Variants in SZT2 observed in about 807,000 individuals in gnomAD.
SZT2 encodes SZT2 subunit of KICSTOR complex.
SZT2 carries 216 observed loss-of-function variants against 404.2 expected under a neutral mutation model. The observed-to-expected ratio is 0.53, with a 90% CI of 0.48 to 0.60. The LOEUF (loss-of-function observed/expected upper bound fraction) is 0.60. Among genes scored for constraint, SZT2 ranks in the 20% least tolerant of loss-of-function variants. The pLI is 0.00. For synonymous variants in SZT2, 1,693 were observed against 1,749.9 expected, an observed-to-expected ratio of 0.97 and a Z score of 0.81; for missense variants, 3,857 against 4,459.2, an observed-to-expected ratio of 0.86 and a Z score of 3.85.
At chr1:43,440,927 G>A (rs188783953) in intron 52 of SZT2, among the ~76,000 whole-genome samples, 2 of 152,348 alleles carry the variant, frequency 1.3e-5, no homozygotes, top group Admixed American at 1.3e-4. Flanking sequence ...GAATGTGGCA[G>A]TTCTCACTGA....
At chr1:43,393,398 A>G (rs1648638283) in intron 1 of SZT2, among the ~76,000 whole-genome samples, 1 of 152,238 alleles carries the variant, frequency 6.6e-6, no homozygotes, top group African/African-American at 2.4e-5. Flanking sequence ...TAACTGAGGC[A>G]TAGAGAGTGT....
At chr1:43,410,848 G>A (rs1032268252) in intron 4 of SZT2, among the ~76,000 whole-genome samples, 1 of 151,960 alleles carries the variant, frequency 6.6e-6, no homozygotes, top group African/African-American at 2.4e-5. Context: ...AGTGTATGGC[G>A]AGGAACGGGG....
At chr1:43,446,802 G>C (rs553413686) in intron 65 of SZT2, 153 bp from the exon 66 acceptor site, 203 of 744,372 alleles carry the variant, frequency 2.7e-4, no homozygotes, top group Middle Eastern at 2.7e-3. Context: ...GAATGGGGAG[G>C]CCTTCCCACA....
In SZT2 at chr1:43,390,811, C is replaced by T. The variant is rs141496446; in HGVS notation, c.27+816C>T. On this transcript the variant is annotated intron_variant, in intron 1 of 71. Coordinates refer to ENST00000634258, the MANE Select transcript of SZT2 (RefSeq NM_001365999.1). ...CTTAAAATCTCAGATTCGGATAAAA[C>T]ACCACCACCAGGAAAGGTGCCAACA... 2.0e-5 allele frequency among the ~76,000 whole-genome samples: 3 copies of T among 152,312 alleles called. No individual in the cohort carries two copies. The East Asian group carries it at 5.8e-4, about 29-fold the overall frequency.
At position 43,424,122 on chromosome 1, in the gene SZT2, C is replaced by T. The variant is rs1216647996; in HGVS notation, c.2256-95C>T. 8 of 1,043,804 alleles carry T rather than the reference C, an allele frequency of 7.7e-6. No individual in the cohort carries two copies. The highest frequency in any genetic ancestry group is 6.3e-5 in the African/African-American group (4 of 63,066). The allele number at this position is 1,043,804 out of a possible 1,614,324, so 64.7% of individuals were successfully genotyped here. On this transcript the variant is annotated intron_variant, in intron 15 of 71. Coordinates refer to ENST00000634258, the MANE Select transcript of SZT2 (RefSeq NM_001365999.1). The surrounding 1 kb of genome is among the most constrained non-coding windows in gnomAD (Gnocchi z 4.1). ...TCAGTGGTACAGAGGTGTGGAAGGG[C>T]GTGGCTTAGCCAGCTGTGAGTGGTA...
At position 43,428,407 on chromosome 1, in the gene SZT2, CTCA is replaced by C; in HGVS notation, c.4088_4090del (p.Leu1363_Ser1364delinsArg). The C allele has an allele frequency of 6.2e-7, 1 of 1,614,200 alleles. No individual in the cohort carries two copies. The highest frequency in any genetic ancestry group is 8.5e-7 in the Non-Finnish European group (1 of 1,180,036). On this transcript the variant is annotated inframe_deletion, in exon 28 of 72. Coordinates refer to ENST00000634258, the MANE Select transcript of SZT2 (RefSeq NM_001365999.1). ...TCATGCACCCCCAAGTCCTGGTCCT[CTCA>C]GCCCTGGGCCCTTCAGCAGCAGCAT... is the stretch of plus-strand genomic sequence containing the variant.
Position 43,424,199 on chromosome 1 carries a change from A to G in SZT2, c.2256-18A>G. 6.3e-7 allele frequency: 1 copy of G among 1,591,926 alleles called. No homozygotes were observed. Among genetic ancestry groups the G allele is most frequent in the Non-Finnish European group, 8.5e-7 (1 of 1,175,616 alleles). On this transcript the variant is annotated intron_variant, in intron 15 of 71. Coordinates refer to ENST00000634258, the MANE Select transcript of SZT2 (RefSeq NM_001365999.1). The surrounding 1 kb of genome is among the most constrained non-coding windows in gnomAD (Gnocchi z 4.1). The stretch of plus-strand genomic sequence containing the variant: ...CCGGGGATGAGAGAGATAGCTGGGG[A>G]GTTGTCCCATTTCCTAGGTATGAGA...
chr1:43,420,886 T>C lies in SZT2; in HGVS notation c.1399T>C (p.Tyr467His). ...GGTGGAAGTGACGATGGAAGGCGGC[T>C]ACGACATTTTGCATGATGTGTCCTG... is the stretch of plus-strand genomic sequence containing the variant. ...TRVEVTMEGG[Y>H]DILHDVSCAL... The change falls in exon 10 of 72, where the codon TAC becomes CAC. Residue 467 changes from tyrosine to histidine, a missense_variant. Tyr to His is a moderately conservative substitution (Grantham distance 83). This residue lies in a region of SZT2 where 536 missense variants were observed against 637.4 expected (regional missense o/e 0.84). Transcript: ENST00000634258. This position sits in a 1 kb window ranked among gnomAD's most constrained non-coding sequence, Gnocchi z 5.1. The C allele has an allele frequency of 6.3e-7, 1 of 1,598,478 alleles. No individual in the cohort carries two copies. The highest frequency in any genetic ancestry group is 8.5e-7 in the Non-Finnish European group (1 of 1,179,814).
In SZT2 at chr1:43,454,237, T is replaced by C; in HGVS notation, c.*3757T>C. ...TGTATGACCAAATAAAGAAGCACTT[T>C]TATACCGCCAGTTATCACACCACTA... On this transcript the variant is annotated 3_prime_UTR_variant, in exon 72 of 72. Transcript: ENST00000634258. The C allele has an allele frequency of 1.2e-5, 2 of 168,364 alleles. No homozygotes were observed. Among genetic ancestry groups the C allele is most frequent in the Non-Finnish European group, 2.4e-5 (2 of 82,170 alleles). The allele number at this position is 168,364 out of a possible 1,614,324, so 10.4% of individuals were successfully genotyped here.
At position 43,420,962 on chromosome 1, in the gene SZT2, G is replaced by A. The variant is rs755403943; in HGVS notation, c.1475G>A (p.Arg492His). 11 of 1,598,308 alleles carry A rather than the reference G, an allele frequency of 6.9e-6. No homozygotes were observed. Among genetic ancestry groups the A allele is most frequent in the Middle Eastern group, 1.6e-4 (1 of 6,082 alleles). Residue 492 changes from arginine to histidine, a missense_variant, in exon 10 of 72, where the codon CGT becomes CAT. Physicochemically the swap from Arg to His is conservative, Grantham distance 29 (BLOSUM62 0). Coordinates refer to ENST00000634258, the MANE Select transcript of SZT2 (RefSeq NM_001365999.1). This position sits in a 1 kb window ranked among gnomAD's most constrained non-coding sequence, Gnocchi z 5.1. ...RSLYRTHVIRRFWNTLQSINQ... is the reference protein window; with the variant it reads ...RSLYRTHVIRHFWNTLQSINQ... ...TTGTATCGTACCCATGTTATCCGGC[G>A]TTTCTGGAACACGCTGCAGAGGTCA... is the stretch of plus-strand genomic sequence containing the variant.
rs964214507 is a variant in SZT2, at chr1:43,448,858, T to A, written c.10086+130T>A. ...CCTAGACAGAACGGGACTACACAGATACATGTAAAACCCTTCCAGTACCGG... is the reference window on the plus strand; with the variant it reads ...CCTAGACAGAACGGGACTACACAGAAACATGTAAAACCCTTCCAGTACCGG... On this transcript the variant is annotated intron_variant, in intron 70 of 71. Transcript: ENST00000634258. This position sits in a 1 kb window ranked among gnomAD's most constrained non-coding sequence, Gnocchi z 4.2. 1 of 838,932 alleles carries A rather than the reference T, an allele frequency of 1.2e-6. No homozygotes were observed. 52.0% of individuals were successfully genotyped at this position (838,932 alleles called of 1,614,324 possible).
intron 62 of SZT2, among the ~76,000 whole-genome samples, chr1:43,444,770 T>G (rs966873666): frequency 6.6e-6 from 1 of 152,222 alleles, no homozygotes; most frequent in Non-Finnish European, 1.5e-5. Flanking sequence ...TTCTCTGCCC[T>G]TTCCCAGTGG....
At position 43,440,543 on chromosome 1, in the gene SZT2, C is replaced by G. The variant is rs1313550951; in HGVS notation, c.7301C>G (p.Thr2434Ser). The G allele has an allele frequency of 3.1e-6, 5 of 1,608,326 alleles. No homozygotes were observed. The highest frequency in any genetic ancestry group is 4.2e-6 in the Non-Finnish European group (5 of 1,177,400). The change falls in exon 52 of 72, where the codon ACT (threonine) becomes AGT (serine). Residue 2434 changes from threonine to serine, a missense_variant. Thr to Ser is a moderately conservative substitution (Grantham distance 58). Transcript: ENST00000634258. ...PPAPVPGEPV[T>S]PPSKAGRRSF... ...GCCCCTGTCCCTGGGGAGCCTGTGA[C>G]TCCACCCAGCAAAGCGGGCCGGCGT... is the stretch of plus-strand genomic sequence containing the variant.
At chr1:43,429,024 T>G in intron 28 of SZT2, 1 of 159,500 alleles carries the variant, frequency 6.3e-6, no homozygotes, top group Non-Finnish European at 1.4e-5. Flanking sequence ...TGATGACTCC[T>G]AGATTGGAAC....
At position 43,450,549 on chromosome 1, in the gene SZT2, G is replaced by A. The variant is rs1656273792; in HGVS notation, c.*69G>A. The stretch of plus-strand genomic sequence containing the variant: ...GGGCCTACCAGATTGCCTGCCAGAG[G>A]CAGGACTGACCAGCCCTTCTGGGCC... On this transcript the variant is annotated 3_prime_UTR_variant, in exon 72 of 72. Transcript: ENST00000634258. The surrounding 1 kb of genome is among the most constrained non-coding windows in gnomAD (Gnocchi z 4.3). The A allele has an allele frequency of 6.2e-7, 1 of 1,600,054 alleles. No individual in the cohort carries two copies. Among genetic ancestry groups the A allele is most frequent in the Non-Finnish European group, 8.5e-7 (1 of 1,171,806 alleles).
chr1:43,438,496 T>C (rs543537904), intron 46 of SZT2, among the ~76,000 whole-genome samples: 2 of 152,150 alleles, frequency 1.3e-5, no homozygotes, highest in Non-Finnish European at 2.9e-5. Context: ...ACAGAGGTTT[T>C]GAGAGTAAAA....
At chr1:43,419,187 G>A (rs77413552) in intron 7 of SZT2, among the ~76,000 whole-genome samples, 26,148 of 152,222 alleles carry the variant, frequency 0.17, 2,915 homozygotes, top group East Asian at 0.41. Flanking sequence ...GTGTGTGGCT[G>A]TGTTCCAATA....
At chr1:43,443,923 A>T (rs1165656621) in intron 62 of SZT2, 127 bp downstream of exon 62, 1 of 1,168,550 alleles carries the variant, frequency 8.6e-7, no homozygotes, top group African/African-American at 1.5e-5. Context: ...TGTTTATCCC[A>T]CCAGGCTTGC....
At position 43,427,458 on chromosome 1, in the gene SZT2, A is replaced by T; in HGVS notation, c.3598+13A>T. On this transcript the variant is annotated intron_variant, in intron 25 of 71. Transcript: ENST00000634258. ...ACCCTGGCTAGTGGTAAGGCTGCCG[A>T]CTCAAGGTGGGCAGGAGTGGGAGTG... 6.2e-7 allele frequency: 1 copy of T among 1,611,824 alleles called. No homozygotes were observed. The highest frequency in any genetic ancestry group is 8.5e-7 in the Non-Finnish European group (1 of 1,178,080).
Sources: gnomAD v4.1 joint callset for allele counts (sites outside exome capture counted in the v4.1 genomes callset) on GRCh38, gnomAD v4.1.1 for gene constraint, gnomAD v4.1.1 regional missense constraint, Gnocchi (gnomAD v3.1) non-coding constraint, MANE v1.5 for transcripts, NCBI Gene and HGNC (gene_info 2026-07-23, HGNC 2026-07-21) for gene names.